HERC2: variants seen among roughly 807,000 people sequenced by gnomAD.
HERC2 encodes HECT and RLD domain containing E3 ubiquitin protein ligase 2.
A neutral mutation model predicts 537.7 loss-of-function variants in HERC2; 102 were observed. The observed-to-expected ratio is 0.19, with a 90% CI of 0.16 to 0.22. The LOEUF (loss-of-function observed/expected upper bound fraction) is 0.22. HERC2 is among the 10% of genes least tolerant of loss of function. The pLI, the probability that HERC2 is intolerant of heterozygous loss-of-function variation, is 1.00. For missense variants in HERC2, 4,236 were observed against 6,198.2 expected (o/e 0.68, Z 10.63); for synonymous variants, 2,224 against 2,466.2 (o/e 0.90, Z 2.91).
intron 3 of HERC2, 44 bp downstream of exon 3, chr15:28,299,358 T>C: frequency 1.3e-6 from 1 of 770,848 alleles, no homozygotes; most frequent in Non-Finnish European, 2.2e-6. Flanking sequence ...ATGCATTTTA[T>C]AATGGTCTTT....
intron 38 of HERC2, among the ~76,000 whole-genome samples, chr15:28,217,322 T>C (rs1327821648): frequency 1.3e-5 from 2 of 152,118 alleles, no homozygotes; most frequent in East Asian, 3.9e-4. Flanking sequence ...CCCACTTACA[T>C]GCTCTCATGG....
intron 18 of HERC2, 43 bp from the exon 19 acceptor site, chr15:28,256,039 C>T: frequency 6.2e-7 from 1 of 1,604,742 alleles, no homozygotes; most frequent in Non-Finnish European, 8.5e-7. Context: ...AACGCCATTC[C>T]CTCCCAACAC....
At chr15:28,139,679 C>T (rs796991136) in intron 78 of HERC2, among the ~76,000 whole-genome samples, 14 of 152,324 alleles carry the variant, frequency 9.2e-5, no homozygotes, top group African/African-American at 3.1e-4. Flanking sequence ...AAGCCAGATA[C>T]ATATCCTGAC....
chr15:28,219,092 G>A (rs992318113), intron 37 of HERC2, among the ~76,000 whole-genome samples: 3 of 152,172 alleles, frequency 2.0e-5, no homozygotes, highest in African/African-American at 4.8e-5. Context: ...AATAATTCTC[G>A]AAACAACATT....
intron 4 of HERC2, among the ~76,000 whole-genome samples, chr15:28,286,666 T>C (rs1325004121): frequency 6.6e-6 from 1 of 152,122 alleles, no homozygotes; most frequent in African/African-American, 2.4e-5. Context: ...CCAAAAACAA[T>C]GTCAGAAAGG....
chr15:28,150,980 G>C (rs1892387914), intron 70 of HERC2, among the ~76,000 whole-genome samples: 1 of 152,154 alleles, frequency 6.6e-6, no homozygotes, highest in South Asian at 2.1e-4. Context: ...ACGAGGACCA[G>C]TCAGTAAAAC....
intron 4 of HERC2, among the ~76,000 whole-genome samples, chr15:28,292,539 G>C (rs1344041379): frequency 6.6e-6 from 1 of 152,132 alleles, no homozygotes; most frequent in Non-Finnish European, 1.5e-5. Context: ...CGTAGTGCCA[G>C]GTGCGATGGC....
intron 66 of HERC2, among the ~76,000 whole-genome samples, chr15:28,169,109 TG>T (rs769613334): frequency 4.5e-4 from 69 of 152,384 alleles, no homozygotes; most frequent in Non-Finnish European, 7.8e-4. Context: ...AGAAAAATAC[TG>T]CAAAATGCCG....
At chr15:28,194,557 G>A (rs1897169682) in intron 52 of HERC2, among the ~76,000 whole-genome samples, 1 of 151,606 alleles carries the variant, frequency 6.6e-6, no homozygotes, top group Admixed American at 6.6e-5. Context: ...GGGCGACAGA[G>A]CGAGACTCCG....
intron 3 of HERC2, among the ~76,000 whole-genome samples, chr15:28,297,970 G>T (rs1267317337): frequency 6.7e-6 from 1 of 148,860 alleles, no homozygotes; most frequent in Non-Finnish European, 1.5e-5. Context: ...ATGGAGGTGG[G>T]TCTGCAGCCA....
intron 2 of HERC2, chr15:28,320,416 G>A (rs2525968): frequency 3.9e-5 from 6 of 152,258 alleles, no homozygotes; most frequent in African/African-American, 1.2e-4. Flanking sequence ...GCCCGGCCAC[G>A]CAACACAGCT....
At position 28,268,357 on chromosome 15, in the gene HERC2, T is replaced by G; in HGVS notation, c.1598+108A>C. ...TGTCCTGCTCCATCCCAGCGCTACA[T>G]GTCAGGGCAATTGGAAAACACCTGG... On this transcript the variant is annotated intron_variant, in intron 12 of 92. Transcript: ENST00000261609. The surrounding 1 kb of genome is among the most constrained non-coding windows in gnomAD (Gnocchi z 4.7). 2 of 1,022,480 alleles carry G rather than the reference T, an allele frequency of 2.0e-6. No homozygotes were observed. The highest frequency in any genetic ancestry group is 1.5e-6 in the Non-Finnish European group (1 of 682,158). The allele number at this position is 1,022,480 out of a possible 1,614,324, so 63.3% of individuals were successfully genotyped here.
intron 22 of HERC2, 74 bp downstream of exon 22, chr15:28,246,668 T>TG: frequency 7.7e-7 from 1 of 1,291,412 alleles, no homozygotes; most frequent in Admixed American, 2.8e-5. Flanking sequence ...GGCATGCTGA[T>TG]CAGCAAAGAA....
intron 2 of HERC2, among the ~76,000 whole-genome samples, chr15:28,317,453 T>C (rs1441884612): frequency 6.6e-6 from 1 of 152,258 alleles, no homozygotes; most frequent in Non-Finnish European, 1.5e-5. Context: ...GTAGTCATTC[T>C]TAATTGATGA....
At chr15:28,253,485 A>G (rs972115149) in intron 20 of HERC2, among the ~76,000 whole-genome samples, 1 of 152,234 alleles carries the variant, frequency 6.6e-6, no homozygotes, top group African/African-American at 2.4e-5. Flanking sequence ...CTTCAGTGAA[A>G]AACTTCTGAG....
intron 2 of HERC2, among the ~76,000 whole-genome samples, chr15:28,308,549 CTT>C (rs1194016203): frequency 1.3e-5 from 2 of 152,142 alleles, no homozygotes; most frequent in African/African-American, 2.4e-5. Flanking sequence ...ATTTCTTTCT[CTT>C]GTCTGATTGC....
Position 28,280,007 on chromosome 15 carries a change from C to T in HERC2, c.542+61G>A, listed in dbSNP as rs1400017968. 2.2e-6 allele frequency: 3 copies of T among 1,352,320 alleles called. No individual in the cohort carries two copies. The African/African-American group carries it at 4.4e-5, about 20-fold the overall frequency. The allele number at this position is 1,352,320 out of a possible 1,614,324, so 83.8% of individuals were successfully genotyped here. A position where few individuals can be genotyped will look rare whatever the true frequency, so the allele number is the denominator to read the frequency against. ...ATTGAAAACCTTAAACTTTCTGAAA[C>T]AAAACAGTCTGAATTTTATATTTAA... is the stretch of plus-strand genomic sequence containing the variant. On this transcript the variant is annotated intron_variant, in intron 5 of 92. Transcript: ENST00000261609.
At chr15:28,235,837 T>C (rs1410437490) in intron 26 of HERC2, among the ~76,000 whole-genome samples, 1 of 152,106 alleles carries the variant, frequency 6.6e-6, no homozygotes, top group African/African-American at 2.4e-5. Context: ...ACCAGGCAAC[T>C]GTTCAACAGA....
At chr15:28,290,298 C>T (rs963904384) in intron 4 of HERC2, among the ~76,000 whole-genome samples, 15 of 152,068 alleles carry the variant, frequency 9.9e-5, no homozygotes, top group African/African-American at 3.4e-4. Context: ...AGCAGCAAAA[C>T]ACACTTTTTT....
Sources: allele counts gnomAD v4.1 joint callset (sites outside exome capture counted in the v4.1 genomes callset), GRCh38; gene constraint gnomAD v4.1.1; non-coding constraint Gnocchi (gnomAD v3.1); transcripts MANE v1.5; gene names NCBI Gene and HGNC (gene_info 2026-07-23, HGNC 2026-07-21).